The following RIF1 variants were observed in gnomAD, a reference collection of about 807,000 sequenced individuals.
RIF1 encodes the protein telomere-associated protein RIF1.
RIF1 carries 45 observed loss-of-function variants against 247.1 expected under a neutral mutation model. The observed-to-expected ratio is 0.18, with a 90% CI of 0.14 to 0.23. The LOEUF is 0.23. Ranked by LOEUF, RIF1 falls within the 10% of genes least tolerant of loss-of-function variation. The pLI is 1.00. For synonymous variants in RIF1, 1,087 were observed against 978.8 expected, an observed-to-expected ratio of 1.11 and a Z score of -2.06; for missense variants, 2,967 against 2,862.5, an observed-to-expected ratio of 1.04 and a Z score of -0.83.
At chr2:151,468,409 A>G (rs1405311695) in intron 31 of RIF1, 65 bp from the exon 32 acceptor site, 5 of 1,311,648 alleles carry the variant, frequency 3.8e-6, no homozygotes, top group Non-Finnish European at 4.4e-6. Flanking sequence ...TCTAAGTTGT[A>G]AAAATTGTGA....
intron 10 of RIF1, chr2:151,496,253 T>A: frequency 6.4e-7 from 1 of 1,559,674 alleles, no homozygotes; most frequent in Non-Finnish European, 8.8e-7. Context: ...AGTAAGTAGT[T>A]TTTTTCTTTT....
the RIF1 span, chr2:151,514,716 A>C: frequency 1.2e-6 from 1 of 842,298 alleles, no homozygotes. Context: ...TTTGAAACCC[A>C]CAGTTAGGTG....
At chr2:151,451,525 T>TA (rs1491359834) in intron 20 of RIF1, 81 bp from the exon 21 acceptor site, 1 of 749,162 alleles carries the variant, frequency 1.3e-6, no homozygotes, top group African/African-American at 1.7e-5. Flanking sequence ...GTAACAGTCT[T>TA]ATATTTTTTC....
Position 151,489,835 on chromosome 2 carries a change from GA to G in RIF1, c.*416-5391del, listed in dbSNP as rs2054664639. 4 of 526,810 alleles carry G rather than the reference GA, an allele frequency of 7.6e-6. No individual in the cohort carries two copies. In the East Asian group the frequency reaches 1.3e-4, roughly 17 times the overall value. The allele number at this position is 526,810 out of a possible 1,614,324, so 32.6% of individuals were successfully genotyped here. A position where few individuals can be genotyped will look rare whatever the true frequency, so the allele number is the denominator to read the frequency against. ...GAAAGTTTTCTGATATCATTAATAT[GA>G]AACATGTAATAAAAGAGCATTATAT... On this transcript the variant is annotated intron_variant and NMD_transcript_variant, in intron 9 of 13. Coordinates refer to the RIF1 transcript ENST00000454583.
In RIF1 at chr2:151,457,694, T is replaced by C. The variant is rs1695441769; in HGVS notation, c.2653-67T>C. 12 of 1,187,642 alleles carry C rather than the reference T, an allele frequency of 1.0e-5. No individual in the cohort carries two copies. In the East Asian group the frequency reaches 2.2e-4, roughly 22 times the overall value. The allele number at this position is 1,187,642 out of a possible 1,614,324, so 73.6% of individuals were successfully genotyped here. ...ATTGTCTTAATTTTAAAAATTGAAA[T>C]AGCAACATATATTCTGTGAGTTAAT... On this transcript the variant is annotated intron_variant, in intron 23 of 35. Coordinates refer to ENST00000444746, the MANE Select transcript of RIF1 (RefSeq NM_018151.5).
At chr2:151,502,225 G>A (rs1193034876) in intron 11 of RIF1, among the ~76,000 whole-genome samples, 2 of 152,152 alleles carry the variant, frequency 1.3e-5, no homozygotes, top group Admixed American at 6.5e-5. Context: ...GCAGGAAAGA[G>A]TGGAAGTGAG....
At position 151,506,270 on chromosome 2, in the gene RIF1, G is replaced by A. The variant is rs2068771128; in HGVS notation, c.*922G>A. The stretch of plus-strand genomic sequence containing the variant: ...TCTTTATATAAAACCTGGGCATTCA[G>A]AATCAGGACAGTGTTAACACAGAAG... On this transcript the variant is annotated 3_prime_UTR_variant and NMD_transcript_variant, in exon 13 of 14. Transcript: ENST00000454583. The A allele has an allele frequency of 6.3e-7, 1 of 1,588,890 alleles. No individual in the cohort carries two copies. Among genetic ancestry groups the A allele is most frequent in the Non-Finnish European group, 8.6e-7 (1 of 1,157,428 alleles).
rs117632493 is a variant in RIF1 at position 151,490,199 on chromosome 2, C to A, written c.*416-5030C>A. ...TAGAATGATTTCCAAAAAGAGAAAT[C>A]AAAGAAAATGAAACATCTAACTTCA... On this transcript the variant is annotated intron_variant and NMD_transcript_variant, in intron 9 of 13. Transcript: ENST00000454583. 1,801 of 1,184,212 alleles carry A rather than the reference C, an allele frequency of 1.5e-3. 42 individuals carry two copies. The East Asian group carries it at 0.039, about 25-fold the overall frequency. 73.4% of individuals were successfully genotyped at this position (1,184,212 alleles called of 1,614,324 possible).
At chr2:151,520,326 G>A in the RIF1 span, among the ~76,000 whole-genome samples, 1 of 152,106 alleles carries the variant, frequency 6.6e-6, no homozygotes, top group African/African-American at 2.4e-5. Context: ...TGAGAGTTTG[G>A]GGGTTAATGG....
the RIF1 span, among the ~76,000 whole-genome samples, chr2:151,515,557 G>A: frequency 6.6e-6 from 1 of 152,072 alleles, no homozygotes; most frequent in African/African-American, 2.4e-5. Context: ...GGTGGGCAGT[G>A]AGGCACAGAG....
At chr2:151,510,791 G>A (rs1352364503), downstream of RIF1, among the ~76,000 whole-genome samples, 2 of 152,148 alleles carry the variant, frequency 1.3e-5, no homozygotes, top group African/African-American at 4.8e-5. Context: ...TAGAGGTCTT[G>A]GAACATATCC....
In RIF1 at chr2:151,422,994, G is replaced by C; in HGVS notation, c.738G>C (p.Glu246Asp). The C allele has an allele frequency of 6.3e-7, 1 of 1,599,864 alleles. No individual in the cohort carries two copies. The highest frequency in any genetic ancestry group is 8.6e-7 in the Non-Finnish European group (1 of 1,169,096). Reference sequence around the variant, plus strand: ...AGAAGCTATTTATGAGTAAAAATGAGACTTACGTGTTAAAATTATGGCCTT... The same window carrying C: ...AGAAGCTATTTATGAGTAAAAATGACACTTACGTGTTAAAATTATGGCCTT... ...ELQKLFMSKN[E>D]TYVLKLWPLF... Residue 246 changes from glutamate to aspartate, a missense_variant, in exon 8 of 36, where the codon GAG becomes GAC. Glu to Asp is a conservative substitution (Grantham distance 45). Around this residue, in one of 7 missense-constraint regions of RIF1, gnomAD observed 269 missense variants for 288.6 expected, o/e 0.93. Coordinates refer to ENST00000444746, the MANE Select transcript of RIF1 (RefSeq NM_018151.5).
chr2:151,505,530 G>A (rs201082106), intron 12 of RIF1: 3 of 1,613,832 alleles, frequency 1.9e-6, no homozygotes, highest in East Asian at 2.2e-5. Context: ...AGGCAGGTCA[G>A]GGATTGGAGT....
chr2:151,423,704 A>G (rs1238352622), intron 8 of RIF1: 2 of 152,254 alleles, frequency 1.3e-5, no homozygotes, highest in African/African-American at 4.8e-5. Context: ...AGGCTACTTT[A>G]TATAATAGAA....
At chr2:151,410,140 C>A in intron 1 of RIF1, 107 bp downstream of exon 1, 1 of 672,668 alleles carries the variant, frequency 1.5e-6, no homozygotes, top group Non-Finnish European at 2.7e-6. Context: ...TTCTCCCGCC[C>A]TCCGCCGATC....
At chr2:151,448,548 C>G (rs1255677517) in intron 20 of RIF1, among the ~76,000 whole-genome samples, 1 of 152,116 alleles carries the variant, frequency 6.6e-6, no homozygotes, top group Admixed American at 6.5e-5. Flanking sequence ...TAAATCAGAT[C>G]TTGTCACTCT....
chr2:151,462,189 AT>A (rs1696291395), intron 27 of RIF1, 52 bp from the exon 28 acceptor site: 1 of 1,270,060 alleles, frequency 7.9e-7, no homozygotes, highest in African/African-American at 1.5e-5. Flanking sequence ...TTAATTTCTA[AT>A]TGTAAGAATA....
At chr2:151,509,522 A>G (rs538529215), downstream of RIF1, among the ~76,000 whole-genome samples, 1 of 152,142 alleles carries the variant, frequency 6.6e-6, no homozygotes, top group African/African-American at 2.4e-5. Flanking sequence ...AGGGACCTGA[A>G]CTCCCTGGTG....
intron 20 of RIF1, among the ~76,000 whole-genome samples, chr2:151,451,196 A>G (rs1694258850): frequency 1.3e-5 from 2 of 152,226 alleles, no homozygotes; most frequent in Non-Finnish European, 2.9e-5. Flanking sequence ...GCAGAACGTT[A>G]TAATACGGTA....
Sources: gnomAD v4.1 joint callset for allele counts (sites outside exome capture counted in the v4.1 genomes callset) on GRCh38, gnomAD v4.1.1 for gene constraint, gnomAD v4.1.1 regional missense constraint, MANE v1.5 for transcripts, NCBI Gene and HGNC (gene_info 2026-07-23, HGNC 2026-07-21) for gene names.